GPR17: variants seen among roughly 807,000 people sequenced by gnomAD.
GPR17 encodes the protein uracil nucleotide/cysteinyl leukotriene receptor.
A neutral mutation model predicts 1.5 loss-of-function variants in GPR17; 4 were observed. That is an observed-to-expected ratio of 2.73 (90% CI 1.35 to 6.25). The LOEUF is 6.25. Among genes scored for constraint, GPR17 ranks in the 30% most tolerant of loss-of-function variants. GPR17 has a pLI of 0.00. For synonymous variants in GPR17, 209 were observed against 207.6 expected, an observed-to-expected ratio of 1.01 and a Z score of -0.06; for missense variants, 463 against 462.1, an observed-to-expected ratio of 1.00 and a Z score of -0.02.
chr2:127,651,488 C>T lies in GPR17; in HGVS notation c.753C>T (p.Tyr251=), dbSNP rs1333711221. 1.9e-6 allele frequency: 3 copies of T among 1,612,818 alleles called. No homozygotes were observed. In the South Asian group the frequency reaches 3.3e-5, roughly 18 times the overall value. Residue 251 remains tyrosine, a synonymous_variant, in exon 2 of 2, where the codon TAC becomes TAT. Transcript: ENST00000486700. ...TCTTCCTGGTCTGCTTCGTGCCCTA[C>T]CACGTCAACCGCTCCGTCTACGTGC... ...LAIFLVCFVP[Y]HVNRSVYVLH...
rs886921193 is a variant in GPR17 at position 127,651,142 on chromosome 2, C to T, written c.407C>T (p.Pro136Leu). 8.1e-6 allele frequency: 13 copies of T among 1,613,158 alleles called. No individual in the cohort carries two copies. Among genetic ancestry groups the T allele is most frequent in the Middle Eastern group, 1.6e-4 (1 of 6,084 alleles). Reference protein sequence around the residue: ...SADRFLAIVHPVKSLKLRRPL... With the variant: ...SADRFLAIVHLVKSLKLRRPL... ...GACCGTTTCCTGGCCATTGTGCACC[C>T]GGTCAAGTCCCTCAAGCTCCGCAGG... The change falls in exon 2 of 2, where the codon CCG becomes CTG. Residue 136 changes from proline to leucine, a missense_variant. Transcript: ENST00000486700.
At chr2:127,650,547 C>T (rs1197986892) in intron 1 of GPR17, 169 bp from the exon 2 acceptor site, 9 of 600,456 alleles carry the variant, frequency 1.5e-5, no homozygotes, top group Admixed American at 3.0e-5. Context: ...GCCTCTGACG[C>T]TCACGCACAC....
In GPR17 at chr2:127,647,946, T is replaced by C; in HGVS notation, c.-21+1702T>C. ...TGTCAAGGGCTGTGTTCCTCCCTCC[T>C]TTTACCTCTCCTCCACAGCCCCCTT... On this transcript the variant is annotated intron_variant, in intron 1 of 1. Coordinates refer to ENST00000486700, the MANE Select transcript of GPR17 (RefSeq NM_001161417.2). This position sits in a 1 kb window ranked among gnomAD's most constrained non-coding sequence, Gnocchi z 4.3. The C allele has an allele frequency of 1.1e-6, 1 of 892,182 alleles. No homozygotes were observed. The highest frequency in any genetic ancestry group is 1.3e-6 in the Non-Finnish European group (1 of 744,688). The allele number at this position is 892,182 out of a possible 1,614,324, so 55.3% of individuals were successfully genotyped here.
intron 1 of GPR17, chr2:127,650,155 G>C (rs1558879975): frequency 3.8e-6 from 5 of 1,319,538 alleles, no homozygotes; most frequent in Non-Finnish European, 3.2e-6. Flanking sequence ...TAAGTGCCAG[G>C]GGCAAGCCAT....
Position 127,651,308 on chromosome 2 carries a change from C to T in GPR17, c.573C>T (p.His191=), listed in dbSNP as rs777064497. The part of the protein sequence containing the change: ...CLQLYREKAS[H]HALVSLAVAF... The stretch of plus-strand genomic sequence containing the variant: ...AGCTGTACCGGGAGAAGGCCTCCCA[C>T]CATGCCCTGGTGTCCCTGGCAGTGG... The change falls in exon 2 of 2, where the codon CAC becomes CAT. Residue 191 remains histidine, a synonymous_variant. Transcript: ENST00000486700. The T allele has an allele frequency of 6.2e-7, 1 of 1,609,720 alleles. No individual in the cohort carries two copies. The highest frequency in any genetic ancestry group is 8.5e-7 in the Non-Finnish European group (1 of 1,180,008).
rs771536577 is a variant in GPR17, at chr2:127,650,703, T to C, written c.-20-13T>C. The stretch of plus-strand genomic sequence containing the variant: ...CGCAAGCTCATTGTGAACTGTTTGC[T>C]TGTTCCCTCCAGGCTCTGACTCCAG... On this transcript the variant is annotated splice_polypyrimidine_tract_variant and intron_variant, in intron 1 of 1. Coordinates refer to ENST00000486700, the MANE Select transcript of GPR17 (RefSeq NM_001161417.2). 7 of 1,583,846 alleles carry C rather than the reference T, an allele frequency of 4.4e-6. No homozygotes were observed. The Admixed American group carries it at 1.2e-4, about 28-fold the overall frequency.
At chr2:127,650,208 C>T in intron 1 of GPR17, 7 of 777,408 alleles carry the variant, frequency 9.0e-6, no homozygotes, top group Non-Finnish European at 1.3e-5. Flanking sequence ...GCCACTGCAC[C>T]TGTGGGCAGG....
intron 1 of GPR17, 128 bp from the exon 2 acceptor site, chr2:127,650,588 C>CCG (rs1402859015): frequency 1.5e-6 from 1 of 669,984 alleles, no homozygotes. Context: ...CTCAGCAGCC[C>CCG]CGTGGGCGGT....
Position 127,651,933 on chromosome 2 carries a change from ATCCATCGGCCACCCC to A in GPR17, c.*181_*195del. The A allele has an allele frequency of 1.5e-6, 1 of 648,944 alleles. No homozygotes were observed. Among genetic ancestry groups the A allele is most frequent in the South Asian group, 2.0e-5 (1 of 49,962 alleles). 40.2% of individuals were successfully genotyped at this position (648,944 alleles called of 1,614,324 possible). On this transcript the variant is annotated 3_prime_UTR_variant, in exon 2 of 2. Transcript: ENST00000486700. ...TAAAAAGGAAGAACTGACAAAGGGG[ATCCATCGGCCACCCC>A]TCTGCAGGGGCTTGTGATGGCTACA...
rs760617833 is a variant in GPR17 at position 127,651,709 on chromosome 2, A to C, written c.974A>C (p.Glu325Ala). 2 of 1,613,058 alleles carry C rather than the reference A, an allele frequency of 1.2e-6. No homozygotes were observed. The highest frequency in any genetic ancestry group is 1.7e-6 in the Non-Finnish European group (2 of 1,179,992). Reference protein sequence around the residue: ...KRLKGPPPSFEGKTNESSLSA... With the variant: ...KRLKGPPPSFAGKTNESSLSA... ...CTCAAGGGCCCGCCCCCCAGCTTCG[A>C]AGGGAAAACCAACGAGAGCTCGCTG... is the stretch of plus-strand genomic sequence containing the variant. Residue 325 changes from glutamate to alanine, a missense_variant, in exon 2 of 2, where the codon GAA (glutamate) becomes GCA (alanine). Coordinates refer to ENST00000486700, the MANE Select transcript of GPR17 (RefSeq NM_001161417.2).
At chr2:127,650,377 CT>C in intron 1 of GPR17, 1 of 533,032 alleles carries the variant, frequency 1.9e-6, no homozygotes, top group East Asian at 3.2e-5. Flanking sequence ...AACCCAGAGC[CT>C]CACCCAGGCA....
rs1397777236 is a variant in GPR17, at chr2:127,650,935, A to G, written c.200A>G (p.Asn67Ser). The G allele has an allele frequency of 6.2e-7, 1 of 1,613,852 alleles. No homozygotes were observed. The highest frequency in any genetic ancestry group is 8.5e-7 in the Non-Finnish European group (1 of 1,180,032). The change falls in exon 2 of 2, where the codon AAC becomes AGC. Residue 67 changes from asparagine (N) to serine (S), a missense_variant. Asn to Ser is a conservative substitution (Grantham distance 46, BLOSUM62 1). Coordinates refer to ENST00000486700, the MANE Select transcript of GPR17 (RefSeq NM_001161417.2). Reference protein sequence around the residue: ...IRDHKSGTPANVFLMHLAVAD... With the variant: ...IRDHKSGTPASVFLMHLAVAD... ...GACCACAAGTCCGGGACCCCGGCCA[A>G]CGTGTTCCTGATGCATCTGGCCGTG...
In GPR17 at chr2:127,651,873, CCCA is replaced by C; in HGVS notation, c.*122_*124del. Reference sequence around the variant, plus strand: ...AAGCAACCTGAAATCTCAGCAGATGCCCACCATTTCTCTAGATCGCCTAGTCTC... The same window carrying C: ...AAGCAACCTGAAATCTCAGCAGATGCCCATTTCTCTAGATCGCCTAGTCTC... On this transcript the variant is annotated 3_prime_UTR_variant, in exon 2 of 2. Coordinates refer to ENST00000486700, the MANE Select transcript of GPR17 (RefSeq NM_001161417.2). 1 of 908,152 alleles carries C rather than the reference CCCA, an allele frequency of 1.1e-6. No homozygotes were observed. Among genetic ancestry groups the C allele is most frequent in the East Asian group, 2.6e-5 (1 of 38,892 alleles). 56.3% of individuals were successfully genotyped at this position (908,152 alleles called of 1,614,324 possible).
chr2:127,650,684 C>T, intron 1 of GPR17, 32 bp from the exon 2 acceptor site: 3 of 1,492,976 alleles, frequency 2.0e-6, no homozygotes, highest in Non-Finnish European at 2.8e-6. Flanking sequence ...AGATCGCAAG[C>T]TCATTGTGAA....
chr2:127,650,577 C>T (rs1330667429), intron 1 of GPR17, 139 bp from the exon 2 acceptor site: 6 of 638,028 alleles, frequency 9.4e-6, no homozygotes, highest in Non-Finnish European at 1.1e-5. Context: ...AAGGAGGTCC[C>T]CTCAGCAGCC....
chr2:127,648,239 A>T (rs377049816), intron 1 of GPR17: 8 of 978,538 alleles, frequency 8.2e-6, no homozygotes, highest in East Asian at 2.3e-4. Flanking sequence ...CTGGTGTTAG[A>T]ACTTCAGGCA....
intron 1 of GPR17, among the ~76,000 whole-genome samples, chr2:127,648,981 G>GGGGA (rs1171897227): frequency 4.2e-5 from 1 of 23,798 alleles, no homozygotes; most frequent in African/African-American, 1.6e-4. Flanking sequence ...AGGGGAGGGA[G>GGGGA]GGGAGGGGAG....
rs562184093 is a variant in GPR17 at position 127,647,751 on chromosome 2, T to C, written c.-21+1507T>C. Reference sequence around the variant, plus strand: ...ACCTGTGTGCCCCTCCCATCTACCATGGGCTGTCCTCTCTGCTTGCCCATG... The same window carrying C: ...ACCTGTGTGCCCCTCCCATCTACCACGGGCTGTCCTCTCTGCTTGCCCATG... On this transcript the variant is annotated intron_variant, in intron 1 of 1. Coordinates refer to ENST00000486700, the MANE Select transcript of GPR17 (RefSeq NM_001161417.2). This position sits in a 1 kb window ranked among gnomAD's most constrained non-coding sequence, Gnocchi z 4.3. 1.3e-5 allele frequency among the ~76,000 whole-genome samples: 2 copies of C among 152,124 alleles called. No homozygotes were observed. Among genetic ancestry groups the C allele is most frequent in the South Asian group, 4.2e-4 (2 of 4,816 alleles).
intron 1 of GPR17, among the ~76,000 whole-genome samples, chr2:127,649,044 AG>A (rs1683357245): frequency 1.8e-5 from 1 of 56,766 alleles, no homozygotes; most frequent in African/African-American, 5.4e-5. Context: ...AAAGAAAGAA[AG>A]AGAAAAGAAG....
Sources: allele counts gnomAD v4.1 joint callset (sites outside exome capture counted in the v4.1 genomes callset), GRCh38; gene constraint gnomAD v4.1.1; non-coding constraint Gnocchi (gnomAD v3.1); transcripts MANE v1.5; gene names NCBI Gene and HGNC (gene_info 2026-07-23, HGNC 2026-07-21).